Variants in APH1B observed in about 807,000 individuals in gnomAD.
APH1B encodes aph-1B gamma-secretase subunit.
In APH1B, 27 loss-of-function variants were observed where a neutral mutation model predicts 28.2. The ratio of observed to expected loss-of-function variants is 0.96; its 90% CI spans 0.70 to 1.32. The LOEUF (loss-of-function observed/expected upper bound fraction) is 1.32, where lower values mean the gene tolerates loss of function less well. APH1B is among the 40% of genes most tolerant of loss of function. The pLI is 0.00. For synonymous variants in APH1B, 141 were observed against 124.6 expected, an observed-to-expected ratio of 1.13 and a Z score of -0.88; for missense variants, 305 against 313.6, an observed-to-expected ratio of 0.97 and a Z score of 0.21.
chr15:63,279,200 T>C lies in APH1B; in HGVS notation c.153T>C (p.Leu51=), dbSNP rs1238199799. 1 of 1,611,664 alleles carries C rather than the reference T, an allele frequency of 6.2e-7. No individual in the cohort carries two copies. The highest frequency in any genetic ancestry group is 1.3e-5 in the African/African-American group (1 of 75,010). ...FWLVSLLISS[L]VWFMARVIID... ...TGGTGTCTCTACTGATTTCGTCCCT[T>C]GTTTGGTTCATGGCAAGAGTCATTA... Residue 51 remains leucine (L), a synonymous_variant, in exon 2 of 6, where the codon CTT becomes CTC. Coordinates refer to ENST00000261879, the MANE Select transcript of APH1B (RefSeq NM_031301.4).
intron 4 of APH1B, among the ~76,000 whole-genome samples, chr15:63,298,488 G>A (rs1313698055): frequency 6.6e-6 from 1 of 152,148 alleles, no homozygotes; most frequent in African/African-American, 2.4e-5. Flanking sequence ...GGGATTATAG[G>A]AGTAAGCCAC....
In APH1B at chr15:63,305,843, C is replaced by CT. The variant is rs1456947226; in HGVS notation, c.*67dup. 5 of 1,546,202 alleles carry CT rather than the reference C, an allele frequency of 3.2e-6. No homozygotes were observed. The highest frequency in any genetic ancestry group is 4.4e-6 in the Non-Finnish European group (5 of 1,148,986). On this transcript the variant is annotated 3_prime_UTR_variant, in exon 6 of 6. Transcript: ENST00000261879. The stretch of plus-strand genomic sequence containing the variant: ...ATCTTTAGAGGAAGCACAACTGTGC[C>CT]TTTTTCTGAAAATCCCTTTTTCTGG...
intron 4 of APH1B, 75 bp downstream of exon 4, chr15:63,287,621 G>A (rs2038462174): frequency 6.6e-7 from 1 of 1,513,312 alleles, no homozygotes; most frequent in Non-Finnish European, 8.9e-7. Flanking sequence ...ACTGGCTTAG[G>A]AATTTCAGTG....
chr15:63,293,082 T>G (rs1169137506), intron 4 of APH1B, among the ~76,000 whole-genome samples: 2 of 152,232 alleles, frequency 1.3e-5, no homozygotes, highest in Admixed American at 1.3e-4. Context: ...TAGACCTTGT[T>G]TCTTCTCATG....
chr15:63,282,170 A>G (rs1342564391), intron 2 of APH1B, among the ~76,000 whole-genome samples: 5 of 152,216 alleles, frequency 3.3e-5, no homozygotes, highest in Non-Finnish European at 7.3e-5. Flanking sequence ...ATACATTTAC[A>G]TTGCTCTCTT....
At chr15:63,293,338 G>A (rs931250980) in intron 4 of APH1B, among the ~76,000 whole-genome samples, 4 of 151,228 alleles carry the variant, frequency 2.6e-5, no homozygotes, top group African/African-American at 9.7e-5. Flanking sequence ...CTAATTTTTT[G>A]TATTTTTAGT....
chr15:63,292,177 A>G (rs2038512819), intron 4 of APH1B, among the ~76,000 whole-genome samples: 1 of 152,196 alleles, frequency 6.6e-6, no homozygotes, highest in African/African-American at 2.4e-5. Context: ...CCAAATTCCA[A>G]AGTAGTAGAG....
At chr15:63,301,793 A>G (rs1260251284) in intron 4 of APH1B, among the ~76,000 whole-genome samples, 1 of 151,968 alleles carries the variant, frequency 6.6e-6, no homozygotes, top group Non-Finnish European at 1.5e-5. Context: ...TTGTATTTTT[A>G]GTAGAGCTGG....
chr15:63,278,519 C>T (rs1215646281), intron 1 of APH1B, among the ~76,000 whole-genome samples: 2 of 152,180 alleles, frequency 1.3e-5, no homozygotes, highest in African/African-American at 4.8e-5. Context: ...AAGTGCTTCG[C>T]TGCATGTCAT....
chr15:63,286,088 C>T (rs149925295), intron 2 of APH1B, among the ~76,000 whole-genome samples: 2 of 152,174 alleles, frequency 1.3e-5, no homozygotes, highest in African/African-American at 4.8e-5. Flanking sequence ...TTAGGTTCTA[C>T]AGAGTGGAAG....
chr15:63,290,004 A>G (rs2038488527), intron 4 of APH1B, among the ~76,000 whole-genome samples: 1 of 151,488 alleles, frequency 6.6e-6, no homozygotes, highest in Admixed American at 6.6e-5. Context: ...CTCTGTTTCA[A>G]GAGAAAAAAA....
Position 63,304,187 on chromosome 15 carries a change from C to A in APH1B, c.607-1427C>A, listed in dbSNP as rs1291586103. ...ATAGGTTGAGCCCCATGTTGTGTGG[C>A]TCCGTTGACAGAAATACCAAAAGGC... is the stretch of plus-strand genomic sequence containing the variant. On this transcript the variant is annotated intron_variant, in intron 5 of 5. Transcript: ENST00000261879. The surrounding 1 kb of genome is among the most constrained non-coding windows in gnomAD (Gnocchi z 5.1). 1.3e-5 allele frequency among the ~76,000 whole-genome samples: 2 copies of A among 152,190 alleles called. No homozygotes were observed. The highest frequency in any genetic ancestry group is 2.9e-5 in the Non-Finnish European group (2 of 68,042).
intron 5 of APH1B, among the ~76,000 whole-genome samples, chr15:63,303,811 G>A (rs1397300999): frequency 2.0e-5 from 3 of 151,694 alleles, no homozygotes; most frequent in Admixed American, 6.6e-5. Flanking sequence ...CTTATCTATT[G>A]TGAATGGTAC....
rs1231412981 is a variant in APH1B, at chr15:63,305,785, C to T, written c.*4C>T. The T allele has an allele frequency of 1.2e-6, 2 of 1,611,734 alleles. No individual in the cohort carries two copies. Among genetic ancestry groups the T allele is most frequent in the Non-Finnish European group, 8.5e-7 (1 of 1,179,336 alleles). ...TTACAACCAGCGCTCCAGATAACCT[C>T]AGGGAACCAGCACTTCCCAAACCGC... is the stretch of plus-strand genomic sequence containing the variant. On this transcript the variant is annotated 3_prime_UTR_variant, in exon 6 of 6. Transcript: ENST00000261879.
At chr15:63,284,578 A>G (rs2038426396) in intron 2 of APH1B, among the ~76,000 whole-genome samples, 1 of 270 alleles carries the variant, frequency 3.7e-3, no homozygotes, top group South Asian at 0.071. Flanking sequence ...CATCACCACA[A>G]ACACGGGGGG....
chr15:63,303,639 G>A (rs2038655670), intron 5 of APH1B, among the ~76,000 whole-genome samples: 1 of 152,136 alleles, frequency 6.6e-6, no homozygotes, highest in Non-Finnish European at 1.5e-5. Context: ...GGGACTATGG[G>A]CATGCGCCGT....
intron 2 of APH1B, among the ~76,000 whole-genome samples, chr15:63,279,796 CTTTT>C (rs61114269): frequency 1.5e-5 from 2 of 137,926 alleles, no homozygotes. Context: ...TAAGTTAATT[CTTTT>C]TTTTTTTTTT....
At chr15:63,278,265 T>G in intron 1 of APH1B, 1 of 438,390 alleles carries the variant, frequency 2.3e-6, no homozygotes, top group Admixed American at 2.6e-5. Flanking sequence ...AAATTTAAGC[T>G]CCTTTTGGAT....
At position 63,283,080 on chromosome 15, in the gene APH1B, C is replaced by A. The variant is rs1170148913; in HGVS notation, c.285-3478C>A. On this transcript the variant is annotated intron_variant, in intron 2 of 5. Transcript: ENST00000261879. ...GATGATGTTTTGTACTTTCTCACTT[C>A]CTGATGTTGACATTGAGAACTCTTA... Among the ~76,000 whole-genome samples, 4 of 152,280 alleles carry A rather than the reference C, an allele frequency of 2.6e-5. No homozygotes were observed. The East Asian group carries it at 7.7e-4, about 29-fold the overall frequency.
Sources: allele counts gnomAD v4.1 joint callset (sites outside exome capture counted in the v4.1 genomes callset), GRCh38; gene constraint gnomAD v4.1.1; non-coding constraint Gnocchi (gnomAD v3.1); transcripts MANE v1.5; gene names NCBI Gene and HGNC (gene_info 2026-07-23, HGNC 2026-07-21).